The following S100Z variants were observed in gnomAD, a reference collection of about 807,000 sequenced individuals.
S100Z encodes the protein protein S100-Z.
In S100Z, 11 loss-of-function variants were observed where a neutral mutation model predicts 8.5. The observed-to-expected ratio is 1.30, with a 90% CI of 0.82 to 2.15. The LOEUF (loss-of-function observed/expected upper bound fraction) is 2.15. S100Z is among the 30% of genes most tolerant of loss of function. S100Z has a pLI of 0.00. For synonymous variants in S100Z, 34 were observed against 43.8 expected, an observed-to-expected ratio of 0.78 and a Z score of 0.89; for missense variants, 126 against 117.9, an observed-to-expected ratio of 1.07 and a Z score of -0.32.
intron 2 of S100Z, among the ~76,000 whole-genome samples, chr5:76,872,185 T>C (rs2150635916): frequency 6.6e-6 from 1 of 151,464 alleles, no homozygotes; most frequent in Admixed American, 6.6e-5. Context: ...AGTTCGAGGC[T>C]GCAGTGAGCC....
intron 4 of S100Z, among the ~76,000 whole-genome samples, chr5:76,905,487 A>G (rs944517064): frequency 1.3e-5 from 2 of 152,018 alleles, no homozygotes; most frequent in African/African-American, 2.4e-5. Flanking sequence ...ATTTCGGTTC[A>G]TCGCAAGCTC....
At chr5:76,905,346 A>G (rs1167284044) in intron 4 of S100Z, among the ~76,000 whole-genome samples, 1 of 152,072 alleles carries the variant, frequency 6.6e-6, no homozygotes, top group Non-Finnish European at 1.5e-5. Context: ...TATTTCTTGA[A>G]AATTTTTTTA....
chr5:76,902,740 C>G (rs553059458), intron 4 of S100Z, among the ~76,000 whole-genome samples: 9 of 151,746 alleles, frequency 5.9e-5, no homozygotes, highest in South Asian at 2.1e-4. Flanking sequence ...TCTTGGTCTG[C>G]CCCCCACCAT....
intron 1 of S100Z, among the ~76,000 whole-genome samples, chr5:76,859,916 C>T (rs1454379298): frequency 6.6e-6 from 1 of 152,148 alleles, no homozygotes; most frequent in Non-Finnish European, 1.5e-5. Context: ...GGGTTTGTAA[C>T]CTAACCCAAA....
chr5:76,885,798 G>GC (rs765289192), intron 4 of S100Z, among the ~76,000 whole-genome samples: 1 of 150,372 alleles, frequency 6.7e-6, no homozygotes, highest in Non-Finnish European at 1.5e-5. Flanking sequence ...GGGGCTGCTT[G>GC]CCCCCCAGAA....
chr5:76,898,495 G>C (rs1266861382), intron 4 of S100Z, among the ~76,000 whole-genome samples: 2 of 152,078 alleles, frequency 1.3e-5, no homozygotes, highest in Admixed American at 1.3e-4. Context: ...CCAGTTTTTT[G>C]AGGGTTTTTA....
the S100Z span, among the ~76,000 whole-genome samples, chr5:76,949,789 G>C: frequency 3.9e-5 from 6 of 152,208 alleles, 1 homozygote; most frequent in Admixed American, 3.3e-4. Context: ...TAGAATGATG[G>C]TTGCAGGGAT....
At chr5:76,879,024 A>G (rs558662474) in intron 4 of S100Z, among the ~76,000 whole-genome samples, 3 of 152,308 alleles carry the variant, frequency 2.0e-5, no homozygotes, top group East Asian at 3.9e-4. Context: ...CTAAAAAGCC[A>G]TATTTCCTAG....
the S100Z span, among the ~76,000 whole-genome samples, chr5:76,937,412 A>T: frequency 6.6e-6 from 1 of 151,950 alleles, no homozygotes; most frequent in East Asian, 1.9e-4. Context: ...TAAATTTTAG[A>T]TGTGCATTTT....
At chr5:76,901,329 A>G (rs1458752325) in intron 4 of S100Z, among the ~76,000 whole-genome samples, 2 of 152,228 alleles carry the variant, frequency 1.3e-5, no homozygotes, top group Admixed American at 6.5e-5. Flanking sequence ...AAGGTCCCCC[A>G]AGCTTCAAGT....
At chr5:76,850,544 A>C (rs1488626541) in intron 1 of S100Z, among the ~76,000 whole-genome samples, 1 of 152,184 alleles carries the variant, frequency 6.6e-6, no homozygotes, top group Non-Finnish European at 1.5e-5. Flanking sequence ...AAGAACCTTC[A>C]AGGTGAGGCT....
At chr5:76,912,936 CAGAG>C (rs1201880979) in intron 4 of S100Z, among the ~76,000 whole-genome samples, 21 of 90,234 alleles carry the variant, frequency 2.3e-4, no homozygotes, top group Admixed American at 1.0e-3. Flanking sequence ...GTCAGAGAGA[CAGAG>C]AGAGTCAGAG....
intron 4 of S100Z, among the ~76,000 whole-genome samples, chr5:76,899,224 C>T (rs74844980): frequency 0.014 from 2,190 of 152,228 alleles, 62 homozygotes; most frequent in East Asian, 0.11. Flanking sequence ...TGAGCCACTG[C>T]ACCCAGCCTC....
intron 1 of S100Z, among the ~76,000 whole-genome samples, chr5:76,854,210 A>G (rs1444715539): frequency 2.6e-5 from 4 of 152,186 alleles, no homozygotes; most frequent in Admixed American, 2.6e-4. Context: ...GGAGTGGGGC[A>G]TTGCTGTAAA....
chr5:76,929,423 ATTAG>A, the S100Z span, among the ~76,000 whole-genome samples: 1 of 152,242 alleles, frequency 6.6e-6, no homozygotes, highest in East Asian at 1.9e-4. Flanking sequence ...GAAATATCCT[ATTAG>A]TTAACAGAAA....
chr5:76,886,327 G>T (rs773851675), intron 4 of S100Z, among the ~76,000 whole-genome samples: 1 of 152,188 alleles, frequency 6.6e-6, no homozygotes, highest in East Asian at 1.9e-4. Context: ...ACCAGAAAAT[G>T]AAAGGAATTG....
intron 4 of S100Z, among the ~76,000 whole-genome samples, chr5:76,897,752 G>C (rs1457626441): frequency 1.3e-5 from 2 of 151,892 alleles, no homozygotes; most frequent in Non-Finnish European, 2.9e-5. Context: ...ATTTTAAATG[G>C]GATTACTTTT....
the S100Z span, among the ~76,000 whole-genome samples, chr5:76,946,293 T>C: frequency 2.0e-5 from 3 of 152,322 alleles, no homozygotes; most frequent in South Asian, 4.1e-4. Context: ...TAATAGATGA[T>C]GTCATTCAAC....
At chr5:76,943,344 T>G in the S100Z span, among the ~76,000 whole-genome samples, 1 of 152,226 alleles carries the variant, frequency 6.6e-6, no homozygotes, top group African/African-American at 2.4e-5. Flanking sequence ...AGGCACATAT[T>G]GCATGAGAGA....
Sources: allele counts gnomAD v4.1 joint callset (sites outside exome capture counted in the v4.1 genomes callset), GRCh38; gene constraint gnomAD v4.1.1; transcripts MANE v1.5; gene names NCBI Gene and HGNC (gene_info 2026-07-23, HGNC 2026-07-21).